The following ATAD2B variants were observed in gnomAD, a reference collection of about 807,000 sequenced individuals.
ATAD2B encodes the protein ATPase family AAA domain-containing protein 2B.
ATAD2B carries 40 observed loss-of-function variants against 167.6 expected under a neutral mutation model. The ratio of observed to expected loss-of-function variants is 0.24; its 90% CI spans 0.19 to 0.31. The LOEUF (loss-of-function observed/expected upper bound fraction) is 0.31, where lower values mean the gene tolerates loss of function less well. ATAD2B is among the 10% of genes least tolerant of loss of function. ATAD2B has a pLI of 1.00. For synonymous variants in ATAD2B, 579 were observed against 596.5 expected (o/e 0.97, Z 0.43); for missense variants, 1,242 against 1,757.2 (o/e 0.71, Z 5.24).
the ATAD2B span, among the ~76,000 whole-genome samples, chr2:23,718,940 G>A: frequency 6.6e-6 from 1 of 152,114 alleles, no homozygotes; most frequent in African/African-American, 2.4e-5. Context: ...TGATTACACT[G>A]GGCCCACACA....
At chr2:23,782,814 G>A (rs1480272387) in intron 22 of ATAD2B, 55 bp downstream of exon 22, 28 of 1,450,946 alleles carry the variant, frequency 1.9e-5, no homozygotes, top group Non-Finnish European at 2.2e-5. Flanking sequence ...GTATTTAAAC[G>A]GTAAACTGTC....
At chr2:23,720,866 C>A in the ATAD2B span, among the ~76,000 whole-genome samples, 1 of 150,992 alleles carries the variant, frequency 6.6e-6, no homozygotes, top group Non-Finnish European at 1.5e-5. Context: ...CCCTCACCCA[C>A]TGTGAGCCAA....
At chr2:23,805,627 G>A (rs1684246980) in intron 18 of ATAD2B, among the ~76,000 whole-genome samples, 1 of 151,816 alleles carries the variant, frequency 6.6e-6, no homozygotes, top group South Asian at 2.1e-4. Context: ...GAATTCCTGG[G>A]TCAAAAGGTA....
intron 12 of ATAD2B, among the ~76,000 whole-genome samples, chr2:23,861,146 T>A (rs1300117910): frequency 6.8e-6 from 1 of 147,670 alleles, no homozygotes; most frequent in Non-Finnish European, 1.5e-5. Flanking sequence ...TGTTGTTTTT[T>A]TCCTTTTTTT....
At chr2:23,696,606 G>A in the ATAD2B span, 1 of 1,030,222 alleles carries the variant, frequency 9.7e-7, no homozygotes, top group Middle Eastern at 3.2e-4. The surrounding 1 kb of genome is among the most constrained non-coding windows in gnomAD (Gnocchi z 5.5). Context: ...CCCACTCAGT[G>A]GCGATGGAGC....
chr2:23,878,010 C>CAAAAAAAAAAAAAAAAAAAA lies in ATAD2B; in HGVS notation c.902-2107_902-2106insTTTTTTTTTTTTTTTTTTTT, dbSNP rs1283016862. On this transcript the variant is annotated intron_variant, in intron 7 of 27. Transcript: ENST00000238789. ...ACTCCAGCCTGGATGACCCTATCTCCAAAGAAAAAAAAAAAAAAAAAAAAA... is the reference window on the plus strand; with the variant it reads ...ACTCCAGCCTGGATGACCCTATCTCCAAAAAAAAAAAAAAAAAAAAAAAGAAAAAAAAAAAAAAAAAAAAA... 1.0e-3 allele frequency among the ~76,000 whole-genome samples: 30 copies of CAAAAAAAAAAAAAAAAAAAA among 28,608 alleles called. 8 individuals carry two copies. The highest frequency in any genetic ancestry group is 2.7e-3 in the South Asian group (2 of 732). The allele number at this position is 28,608 out of a possible 152,430, so 18.8% of individuals were successfully genotyped here. A position where few individuals can be genotyped will look rare whatever the true frequency, so the allele number is the denominator to read the frequency against.
At position 23,888,406 on chromosome 2, in the gene ATAD2B, C is replaced by T; in HGVS notation, c.369-7G>A. The T allele has an allele frequency of 6.4e-7, 1 of 1,557,832 alleles. No individual in the cohort carries two copies. Among genetic ancestry groups the T allele is most frequent in the Non-Finnish European group, 8.7e-7 (1 of 1,149,104 alleles). On this transcript the variant is annotated splice_polypyrimidine_tract_variant and splice_region_variant and intron_variant, in intron 2 of 27. Transcript: ENST00000238789. The stretch of plus-strand genomic sequence containing the variant: ...ACCAGGCTGAGAAGTTAACCTAGAA[C>T]ACAATAATATTTAATATGCAAACAC...
intron 12 of ATAD2B, among the ~76,000 whole-genome samples, chr2:23,860,746 G>A (rs1694214456): frequency 6.6e-6 from 1 of 152,046 alleles, no homozygotes; most frequent in African/African-American, 2.4e-5. Flanking sequence ...CAAGGCAGGT[G>A]GATCACCTGA....
intron 10 of ATAD2B, among the ~76,000 whole-genome samples, chr2:23,866,800 G>C (rs2150067672): frequency 6.6e-6 from 1 of 152,120 alleles, no homozygotes; most frequent in South Asian, 2.1e-4. Flanking sequence ...TCTCTCTATG[G>C]AAATCACTTA....
At chr2:23,743,566 A>G in the ATAD2B span, among the ~76,000 whole-genome samples, 9 of 149,166 alleles carry the variant, frequency 6.0e-5, no homozygotes, top group African/African-American at 2.0e-4. Flanking sequence ...CCGACTCAAA[A>G]AAAAAAAAAA....
chr2:23,869,783 CT>C, intron 8 of ATAD2B, 22 bp from the exon 9 acceptor site: 1 of 1,485,060 alleles, frequency 6.7e-7, no homozygotes, highest in Non-Finnish European at 9.2e-7. Context: ...GAGTAAAATC[CT>C]TAAAACCATT....
At chr2:23,907,366 C>A (rs910338464) in intron 1 of ATAD2B, among the ~76,000 whole-genome samples, 10 of 151,876 alleles carry the variant, frequency 6.6e-5, no homozygotes, top group Non-Finnish European at 1.5e-4. Flanking sequence ...CTCCCATTCA[C>A]AATTGCTTCA....
intron 1 of ATAD2B, among the ~76,000 whole-genome samples, chr2:23,922,301 G>A (rs1003880519): frequency 1.3e-5 from 2 of 152,224 alleles, no homozygotes; most frequent in Admixed American, 6.5e-5. Context: ...TGACACCTAG[G>A]TGGAGCAAAT....
chr2:23,826,916 T>G (rs1282709026), intron 15 of ATAD2B, among the ~76,000 whole-genome samples: 1 of 152,128 alleles, frequency 6.6e-6, no homozygotes. Flanking sequence ...ATCCATAACC[T>G]CTAACAAAAG....
At chr2:23,839,537 C>T (rs891815895) in intron 13 of ATAD2B, among the ~76,000 whole-genome samples, 1 of 152,068 alleles carries the variant, frequency 6.6e-6, no homozygotes, top group African/African-American at 2.4e-5. Context: ...GATAAATTAA[C>T]ATTAACTGAC....
At chr2:23,763,593 G>A (rs189453185) in intron 23 of ATAD2B, among the ~76,000 whole-genome samples, 50 of 152,068 alleles carry the variant, frequency 3.3e-4, no homozygotes, top group African/African-American at 1.1e-3. Flanking sequence ...ATAATGTTTT[G>A]GGGTTTTTTT....
intron 13 of ATAD2B, chr2:23,856,419 GC>G (rs1237111621): frequency 2.6e-6 from 1 of 388,872 alleles, no homozygotes; most frequent in Non-Finnish European, 5.2e-6. Context: ...TCAACCTGTA[GC>G]AGGTTGAGCA....
chr2:23,726,814 T>A, the ATAD2B span, among the ~76,000 whole-genome samples: 1 of 152,296 alleles, frequency 6.6e-6, no homozygotes, highest in East Asian at 1.9e-4. Context: ...AGTTTTTGTG[T>A]AATGAGTACA....
chr2:23,854,362 T>C (rs1320823828), intron 13 of ATAD2B, among the ~76,000 whole-genome samples: 2 of 151,974 alleles, frequency 1.3e-5, no homozygotes, highest in Non-Finnish European at 2.9e-5. Flanking sequence ...TAACGTAAAA[T>C]GAATCATTGA....
Sources: gnomAD v4.1 joint callset for allele counts (sites outside exome capture counted in the v4.1 genomes callset) on GRCh38, gnomAD v4.1.1 for gene constraint, Gnocchi (gnomAD v3.1) non-coding constraint, MANE v1.5 for transcripts, NCBI Gene and HGNC (gene_info 2026-07-23, HGNC 2026-07-21) for gene names.